The following ATP9B variants were observed in gnomAD, a reference collection of about 807,000 sequenced individuals.
ATP9B encodes the protein ATPase phospholipid transporting 9B, also known as probable phospholipid-transporting ATPase IIB.
In ATP9B, 110 loss-of-function variants were observed where a neutral mutation model predicts 146.1. That is an observed-to-expected ratio of 0.75 (90% CI 0.65 to 0.88). The LOEUF (loss-of-function observed/expected upper bound fraction) is 0.88, where lower values mean the gene tolerates loss of function less well. Ranked by LOEUF, ATP9B falls within the 40% of genes least tolerant of loss-of-function variation. The probability of loss-of-function intolerance (pLI) is 0.00; values close to 1 mark genes in which losing one functional copy is unlikely to be tolerated. For synonymous variants in ATP9B, 604 were observed against 569.7 expected (o/e 1.06, Z -0.86); for missense variants, 1,499 against 1,496.4 (o/e 1.00, Z -0.03).
At chr18:79,203,853 G>C (rs2095510892) in intron 9 of ATP9B, among the ~76,000 whole-genome samples, 1 of 152,060 alleles carries the variant, frequency 6.6e-6, no homozygotes, top group South Asian at 2.1e-4. Flanking sequence ...TATCTTTTTT[G>C]TTTCTTCAAC....
At chr18:79,334,054 C>T (rs889928024) in intron 17 of ATP9B, among the ~76,000 whole-genome samples, 1 of 152,128 alleles carries the variant, frequency 6.6e-6, no homozygotes, top group Non-Finnish European at 1.5e-5. Context: ...AGTATGTTAG[C>T]CCTAATAAGT....
chr18:79,375,495 A>C, intron 29 of ATP9B, 69 bp downstream of exon 29: 1 of 1,567,494 alleles, frequency 6.4e-7, no homozygotes, highest in Non-Finnish European at 8.7e-7. Context: ...AAGATACTTA[A>C]CTAATAAGAA....
chr18:79,201,529 C>T (rs985396095), intron 9 of ATP9B, among the ~76,000 whole-genome samples: 2 of 152,042 alleles, frequency 1.3e-5, no homozygotes, highest in African/African-American at 4.8e-5. Flanking sequence ...GGAGTTGAGC[C>T]CAGGAGTTCG....
At chr18:79,258,448 AATAAG>A (rs2096106580) in intron 12 of ATP9B, among the ~76,000 whole-genome samples, 1 of 152,172 alleles carries the variant, frequency 6.6e-6, no homozygotes, top group African/African-American at 2.4e-5. Flanking sequence ...AAATAATAAT[AATAAG>A]AGAAGAAGAT....
chr18:79,337,472 G>A (rs778030508), intron 19 of ATP9B, 23 bp downstream of exon 19: 1 of 1,596,418 alleles, frequency 6.3e-7, no homozygotes, highest in Non-Finnish European at 8.5e-7. Flanking sequence ...CACCTCTGCT[G>A]GCGCGCGCTG....
Position 79,113,249 on chromosome 18 carries a change from T to C in ATP9B, c.453T>C (p.Tyr151=). 1 of 1,565,380 alleles carries C rather than the reference T, an allele frequency of 6.4e-7. No individual in the cohort carries two copies. Among genetic ancestry groups the C allele is most frequent in the Non-Finnish European group, 8.7e-7 (1 of 1,145,982 alleles). Residue 151 remains tyrosine (Y), a synonymous_variant, in exon 4 of 30, where the codon TAT becomes TAC. Coordinates refer to ENST00000426216, the MANE Select transcript of ATP9B (RefSeq NM_198531.5). ...NVFTFIPGVL[Y]EQFKFFLNLY... is the part of the protein sequence containing the mutation. Reference sequence around the variant, plus strand: ...TCTCTTTTCCTTTTTAGGTTTTGTATGAACAATTCAAGTTTTTCTTGAATC... The same window carrying C: ...TCTCTTTTCCTTTTTAGGTTTTGTACGAACAATTCAAGTTTTTCTTGAATC...
intron 5 of ATP9B, among the ~76,000 whole-genome samples, chr18:79,139,554 T>G (rs2094489209): frequency 6.6e-6 from 1 of 152,224 alleles, no homozygotes; most frequent in Non-Finnish European, 1.5e-5. Context: ...TTTTTGTGAG[T>G]ACATAGTAGG....
intron 2 of ATP9B, among the ~76,000 whole-genome samples, chr18:79,109,779 TG>T (rs2075882193): frequency 6.6e-6 from 1 of 152,180 alleles, no homozygotes; most frequent in African/African-American, 2.4e-5. Context: ...TTGGCCAGGC[TG>T]GTCTTGAACT....
In ATP9B at chr18:79,307,241, C is replaced by G; in HGVS notation, c.1773+7C>G. 1 of 1,613,978 alleles carries G rather than the reference C, an allele frequency of 6.2e-7. No individual in the cohort carries two copies. The highest frequency in any genetic ancestry group is 1.3e-5 in the African/African-American group (1 of 75,042). On this transcript the variant is annotated splice_region_variant and intron_variant, in intron 15 of 29. Coordinates refer to ENST00000426216, the MANE Select transcript of ATP9B (RefSeq NM_198531.5). The stretch of plus-strand genomic sequence containing the variant: ...GGCTTCCAGCCCGGATGAGGTCAGT[C>G]AAAGCACAAAACCGTGGGAGCTTGT...
intron 11 of ATP9B, among the ~76,000 whole-genome samples, chr18:79,222,786 A>G (rs1406460047): frequency 2.1e-5 from 3 of 141,400 alleles, no homozygotes; most frequent in Non-Finnish European, 3.1e-5. Context: ...AGGAATTACT[A>G]TTATATTAGT....
intron 13 of ATP9B, among the ~76,000 whole-genome samples, chr18:79,290,863 G>T (rs1599672420): frequency 6.6e-6 from 1 of 152,204 alleles, no homozygotes; most frequent in African/African-American, 2.4e-5. Flanking sequence ...TCACAAGAAA[G>T]TTTATTGCTC....
intron 6 of ATP9B, among the ~76,000 whole-genome samples, chr18:79,153,591 C>T (rs1247656635): frequency 6.6e-6 from 1 of 151,748 alleles, no homozygotes; most frequent in Non-Finnish European, 1.5e-5. Flanking sequence ...TGCTGTGTTA[C>T]ATGTACAGAC....
At chr18:79,183,934 G>T (rs143035393) in intron 8 of ATP9B, among the ~76,000 whole-genome samples, 3 of 152,064 alleles carry the variant, frequency 2.0e-5, no homozygotes, top group African/African-American at 7.2e-5. Flanking sequence ...GGGTATCAGC[G>T]TATCTGTTTC....
At chr18:79,354,772 C>T (rs1241103805) in intron 25 of ATP9B, among the ~76,000 whole-genome samples, 1 of 152,128 alleles carries the variant, frequency 6.6e-6, no homozygotes, top group Non-Finnish European at 1.5e-5. Context: ...TTTCCAGCAG[C>T]TGGAGCTGAA....
intron 25 of ATP9B, among the ~76,000 whole-genome samples, chr18:79,355,700 C>G (rs1422410423): frequency 6.6e-6 from 1 of 152,072 alleles, no homozygotes; most frequent in Non-Finnish European, 1.5e-5. Context: ...CAGGGCAGGG[C>G]TAGGAACTTA....
chr18:79,072,034 G>C (rs1053938485), intron 1 of ATP9B, among the ~76,000 whole-genome samples: 1 of 151,458 alleles, frequency 6.6e-6, no homozygotes, highest in Admixed American at 6.6e-5. Context: ...AAGAAAGTTG[G>C]ATCTTATGTT....
intron 25 of ATP9B, among the ~76,000 whole-genome samples, chr18:79,349,458 C>A (rs758122390): frequency 3.9e-5 from 6 of 152,188 alleles, no homozygotes; most frequent in Non-Finnish European, 5.9e-5. Context: ...GGGCTGGCGC[C>A]GGGTGCTGCT....
At chr18:79,167,929 G>T (rs1380083276) in intron 7 of ATP9B, among the ~76,000 whole-genome samples, 1 of 152,124 alleles carries the variant, frequency 6.6e-6, no homozygotes, top group Non-Finnish European at 1.5e-5. Flanking sequence ...CTGCAGGCCT[G>T]CCCCGAGCCA....
intron 7 of ATP9B, among the ~76,000 whole-genome samples, chr18:79,162,406 A>G (rs1372858692): frequency 6.6e-6 from 1 of 152,236 alleles, no homozygotes; most frequent in African/African-American, 2.4e-5. Flanking sequence ...TTCAGATCAA[A>G]TATCTCCAGA....
Sources: allele counts gnomAD v4.1 joint callset (sites outside exome capture counted in the v4.1 genomes callset), GRCh38; gene constraint gnomAD v4.1.1; transcripts MANE v1.5; gene names NCBI Gene and HGNC (gene_info 2026-07-23, HGNC 2026-07-21).